SUCLG2: variants seen among roughly 807,000 people sequenced by gnomAD.
SUCLG2 encodes succinate-CoA ligase GDP-forming subunit beta.
In SUCLG2, 42 loss-of-function variants were observed where a neutral mutation model predicts 47.9. The ratio of observed to expected loss-of-function variants is 0.88; its 90% CI spans 0.69 to 1.14. The LOEUF is 1.14. SUCLG2 is among the 50% of genes most tolerant of loss of function. The pLI, the probability that SUCLG2 is intolerant of heterozygous loss-of-function variation, is 0.00. For synonymous variants in SUCLG2, 195 were observed against 197.3 expected (o/e 0.99, Z 0.10); for missense variants, 571 against 525.9 (o/e 1.09, Z -0.84).
intron 2 of SUCLG2, among the ~76,000 whole-genome samples, chr3:67,578,014 G>A (rs7643495): frequency 1.3e-5 from 2 of 151,652 alleles, no homozygotes; most frequent in Admixed American, 1.3e-4. Context: ...GTGAAGTAAG[G>A]GGGGAAGACC....
chr3:67,442,960 T>A (rs1703808479), intron 9 of SUCLG2, among the ~76,000 whole-genome samples: 1 of 152,128 alleles, frequency 6.6e-6, no homozygotes, highest in Non-Finnish European at 1.5e-5. Context: ...GGGTTCTACA[T>A]CCATGGATTC....
intron 1 of SUCLG2, among the ~76,000 whole-genome samples, chr3:67,628,376 C>T (rs950402737): frequency 2.0e-5 from 3 of 152,112 alleles, no homozygotes; most frequent in African/African-American, 7.2e-5. Context: ...CCCCTATATG[C>T]AATTGTAAGG....
intron 6 of SUCLG2, among the ~76,000 whole-genome samples, chr3:67,509,650 C>T (rs922294930): frequency 6.6e-6 from 1 of 152,100 alleles, no homozygotes; most frequent in Non-Finnish European, 1.5e-5. Context: ...CATGAATGAG[C>T]CATGCCCCTA....
At chr3:67,427,886 C>T (rs183110385) in intron 9 of SUCLG2, among the ~76,000 whole-genome samples, 2 of 152,304 alleles carry the variant, frequency 1.3e-5, no homozygotes, top group East Asian at 3.9e-4. Context: ...AGTCTGAGAT[C>T]GAACTGCAAG....
chr3:67,393,863 T>C (rs542109917), intron 10 of SUCLG2, among the ~76,000 whole-genome samples: 1 of 152,082 alleles, frequency 6.6e-6, no homozygotes. Flanking sequence ...TCGCGGTTCA[T>C]GAAAACCCAC....
At chr3:67,427,594 G>A (rs559072016) in intron 9 of SUCLG2, among the ~76,000 whole-genome samples, 2 of 152,118 alleles carry the variant, frequency 1.3e-5, no homozygotes, top group East Asian at 1.9e-4. Context: ...ACTGAGGTAC[G>A]AGGTTCATAT....
At chr3:67,530,580 A>G (rs985671416) in intron 2 of SUCLG2, among the ~76,000 whole-genome samples, 5 of 152,198 alleles carry the variant, frequency 3.3e-5, no homozygotes, top group East Asian at 3.9e-4. Flanking sequence ...GGGGAGCTAC[A>G]GAAGTATTTT....
At chr3:67,490,864 G>C (rs141283892) in intron 9 of SUCLG2, among the ~76,000 whole-genome samples, 1 of 152,080 alleles carries the variant, frequency 6.6e-6, no homozygotes, top group Non-Finnish European at 1.5e-5. Flanking sequence ...TGACAGAAAG[G>C]CCATAATGAG....
chr3:67,443,126 T>C (rs1180933466), intron 9 of SUCLG2, among the ~76,000 whole-genome samples: 1 of 152,188 alleles, frequency 6.6e-6, no homozygotes, highest in African/African-American at 2.4e-5. Flanking sequence ...ACAAGTAATC[T>C]GGAGATGACT....
intron 9 of SUCLG2, among the ~76,000 whole-genome samples, chr3:67,470,173 CTAACTT>C (rs1704570161): frequency 6.6e-6 from 1 of 151,742 alleles, no homozygotes. Flanking sequence ...TAGAATGTAA[CTAACTT>C]TAATAAACTA....
chr3:67,654,366 C>G (rs906321567), intron 1 of SUCLG2, 137 bp downstream of exon 1: 7 of 640,154 alleles, frequency 1.1e-5, no homozygotes, highest in Admixed American at 4.4e-5. Context: ...GGACCCGGCG[C>G]CGCGTCACCT....
At chr3:67,412,659 C>T (rs1702954656) in intron 9 of SUCLG2, among the ~76,000 whole-genome samples, 2 of 152,084 alleles carry the variant, frequency 1.3e-5, no homozygotes, top group South Asian at 4.1e-4. Flanking sequence ...ATCAGAGCAT[C>T]TCAAAAAAGT....
intron 9 of SUCLG2, among the ~76,000 whole-genome samples, chr3:67,402,029 C>G (rs1354841135): frequency 6.6e-6 from 1 of 152,200 alleles, no homozygotes; most frequent in Non-Finnish European, 1.5e-5. Flanking sequence ...CCCAAGGTCA[C>G]ACAGCTGTCA....
intron 1 of SUCLG2, among the ~76,000 whole-genome samples, chr3:67,631,856 T>A (rs1017559450): frequency 1.3e-5 from 2 of 152,180 alleles, no homozygotes; most frequent in African/African-American, 2.4e-5. Context: ...TTCTTTAGTA[T>A]TTGTTGAATG....
chr3:67,452,567 T>C (rs1023500497), intron 9 of SUCLG2, among the ~76,000 whole-genome samples: 1 of 152,206 alleles, frequency 6.6e-6, no homozygotes, highest in Non-Finnish European at 1.5e-5. Flanking sequence ...AAGTTTCAGT[T>C]AGTAGCTCAA....
intron 2 of SUCLG2, among the ~76,000 whole-genome samples, chr3:67,533,308 G>GT (rs1372224606): frequency 6.6e-6 from 1 of 152,156 alleles, no homozygotes; most frequent in Non-Finnish European, 1.5e-5. Flanking sequence ...AATGCTAAAT[G>GT]TATCACTGAT....
intron 9 of SUCLG2, among the ~76,000 whole-genome samples, chr3:67,406,899 G>A (rs1430286398): frequency 6.6e-6 from 1 of 152,110 alleles, no homozygotes; most frequent in Non-Finnish European, 1.5e-5. Context: ...AGAAAATTTA[G>A]GGTTTCCTAG....
At chr3:67,376,298 C>G in intron 10 of SUCLG2, 1 of 985,410 alleles carries the variant, frequency 1.0e-6, no homozygotes, top group Non-Finnish European at 1.2e-6. Flanking sequence ...TCTGGCGCAT[C>G]CAGCATGTCC....
chr3:67,502,723 T>C (rs1441743768), intron 7 of SUCLG2, among the ~76,000 whole-genome samples: 1 of 152,222 alleles, frequency 6.6e-6, no homozygotes, highest in Non-Finnish European at 1.5e-5. Flanking sequence ...ATCTGAGATT[T>C]CTGTTTAGAG....
Sources: allele counts gnomAD v4.1 joint callset (sites outside exome capture counted in the v4.1 genomes callset), GRCh38; gene constraint gnomAD v4.1.1; transcripts MANE v1.5; gene names NCBI Gene and HGNC (gene_info 2026-07-23, HGNC 2026-07-21).